Variants in GPHN observed in about 807,000 individuals in gnomAD.
GPHN encodes gephyrin.
Under a neutral mutation model 95.5 loss-of-function variants are expected in GPHN, and 17 were observed. That is an observed-to-expected ratio of 0.18 (90% confidence interval 0.12 to 0.27). GPHN has a LOEUF of 0.27. Ranked by LOEUF, GPHN falls within the 10% of genes least tolerant of loss-of-function variation. GPHN has a pLI of 1.00. For missense variants in GPHN, 660 were observed against 978.1 expected (o/e 0.67, Z 4.34); for synonymous variants, 320 against 322.5 (o/e 0.99, Z 0.08).
chr14:67,448,036 A>G, the GPHN span: 2 of 151,366 alleles, frequency 1.3e-5, no homozygotes, highest in Non-Finnish European at 2.9e-5. Flanking sequence ...AACCCCATCA[A>G]ATTTTGCATG....
chr14:67,165,563 G>T (rs565123347), intron 20 of GPHN, among the ~76,000 whole-genome samples: 49 of 152,304 alleles, frequency 3.2e-4, no homozygotes, highest in African/African-American at 1.1e-3. Context: ...ACAGGAAATT[G>T]GTCGAAGTTA....
At chr14:66,851,917 T>C (rs1286375816) in intron 4 of GPHN, among the ~76,000 whole-genome samples, 1 of 152,062 alleles carries the variant, frequency 6.6e-6, no homozygotes, top group African/African-American at 2.4e-5. Flanking sequence ...AACCTAGAAG[T>C]AGACAGTGTA....
the GPHN span, chr14:67,579,391 C>A: frequency 1.6e-5 from 18 of 1,160,162 alleles, no homozygotes; most frequent in Middle Eastern, 1.2e-3. Flanking sequence ...TAGGCTCAGG[C>A]TTGGCAGATT....
intron 5 of GPHN, among the ~76,000 whole-genome samples, chr14:66,893,238 C>T (rs1196925529): frequency 1.3e-5 from 2 of 152,250 alleles, no homozygotes; most frequent in East Asian, 1.9e-4. Context: ...CAGCTCCCAG[C>T]GTGAGTAACG....
At chr14:67,366,048 C>G in the GPHN span, among the ~76,000 whole-genome samples, 2 of 150,878 alleles carry the variant, frequency 1.3e-5, no homozygotes, top group Non-Finnish European at 2.9e-5. Flanking sequence ...CATCACTGTC[C>G]TAGTAGTACC....
At chr14:66,842,571 A>T (rs995150765) in intron 4 of GPHN, 1 of 735,950 alleles carries the variant, frequency 1.4e-6, no homozygotes. Flanking sequence ...GAGAAGGTTC[A>T]GGCTGGTTCT....
intron 1 of GPHN, among the ~76,000 whole-genome samples, chr14:66,634,074 T>G (rs1316775966): frequency 2.6e-5 from 4 of 152,078 alleles, no homozygotes; most frequent in Non-Finnish European, 5.9e-5. Flanking sequence ...CTTAGGATCA[T>G]TATTATAAAC....
At chr14:66,522,293 T>C (rs1390246154) in intron 1 of GPHN, among the ~76,000 whole-genome samples, 2 of 152,204 alleles carry the variant, frequency 1.3e-5, no homozygotes, top group Non-Finnish European at 2.9e-5. Flanking sequence ...TGATCACCTA[T>C]GGGTCTTAGT....
intron 1 of GPHN, among the ~76,000 whole-genome samples, chr14:66,541,817 G>A (rs2059365004): frequency 6.6e-6 from 1 of 152,146 alleles, no homozygotes; most frequent in Non-Finnish European, 1.5e-5. Flanking sequence ...GAGCAGCTTG[G>A]TGCTGTCAGT....
At chr14:66,729,626 C>G (rs2071585095) in intron 2 of GPHN, among the ~76,000 whole-genome samples, 1 of 152,106 alleles carries the variant, frequency 6.6e-6, no homozygotes, top group Admixed American at 6.5e-5. Flanking sequence ...ATAAAATTGT[C>G]AAAATCCATC....
chr14:67,226,044 G>A, the GPHN span, among the ~76,000 whole-genome samples: 7 of 151,980 alleles, frequency 4.6e-5, no homozygotes, highest in South Asian at 2.1e-4. Context: ...GGTGGACCAC[G>A]GGTGGCCTGG....
chr14:67,310,549 TTTAG>T, the GPHN span, among the ~76,000 whole-genome samples: 3 of 152,152 alleles, frequency 2.0e-5, no homozygotes, highest in East Asian at 1.9e-4. Flanking sequence ...TACAGGTCTG[TTTAG>T]TTAGTGAAAA....
chr14:66,665,900 A>G (rs1309752552), intron 1 of GPHN, among the ~76,000 whole-genome samples: 1 of 152,212 alleles, frequency 6.6e-6, no homozygotes, highest in Non-Finnish European at 1.5e-5. Context: ...GCACATGTAC[A>G]TCATGGAATA....
At chr14:67,212,367 C>A in the GPHN span, among the ~76,000 whole-genome samples, 1 of 151,716 alleles carries the variant, frequency 6.6e-6, no homozygotes, top group Non-Finnish European at 1.5e-5. Context: ...ATGGGCAGAT[C>A]GCTCAAGCCA....
the GPHN span, among the ~76,000 whole-genome samples, chr14:67,687,176 C>T: frequency 1.3e-5 from 2 of 152,194 alleles, no homozygotes; most frequent in African/African-American, 4.8e-5. Flanking sequence ...GTCCAAACTA[C>T]CCTCATTTCT....
chr14:67,641,710 C>T, the GPHN span, among the ~76,000 whole-genome samples: 77 of 152,202 alleles, frequency 5.1e-4, no homozygotes, highest in African/African-American at 1.7e-3. Context: ...GAGGATGAGG[C>T]GGGAGGATCA....
chr14:67,469,440 CTTTTT>C, the GPHN span, among the ~76,000 whole-genome samples: 4 of 80,878 alleles, frequency 4.9e-5, no homozygotes, highest in Non-Finnish European at 8.9e-5. Context: ...CCATGCCTGG[CTTTTT>C]TTTTTTTTTT....
chr14:66,673,809 C>A (rs944021201), intron 1 of GPHN, among the ~76,000 whole-genome samples: 1 of 152,048 alleles, frequency 6.6e-6, no homozygotes. Context: ...AATTTTTTTA[C>A]TGCCCGAGAA....
At chr14:66,628,740 C>T (rs2063616797) in intron 1 of GPHN, among the ~76,000 whole-genome samples, 1 of 151,862 alleles carries the variant, frequency 6.6e-6, no homozygotes, top group African/African-American at 2.4e-5. Context: ...TAATGCTTAG[C>T]TTAAAACATA....
Sources: gnomAD v4.1 joint callset for allele counts (sites outside exome capture counted in the v4.1 genomes callset) on GRCh38, gnomAD v4.1.1 for gene constraint, MANE v1.5 for transcripts, NCBI Gene and HGNC (gene_info 2026-07-23, HGNC 2026-07-21) for gene names.